ATE1: variants seen among roughly 807,000 people sequenced by gnomAD.
The protein encoded by ATE1 is arginyltransferase 1, also known as arginyl-tRNA--protein transferase 1.
In ATE1, 36 loss-of-function variants were observed where a neutral mutation model predicts 70.5. The observed-to-expected ratio is 0.51, with a 90% CI of 0.39 to 0.67. ATE1 has a LOEUF of 0.67. ATE1 is among the 30% of genes least tolerant of loss of function. ATE1 has a pLI of 0.00. For synonymous variants in ATE1, 232 were observed against 219.3 expected, an observed-to-expected ratio of 1.06 and a Z score of -0.51; for missense variants, 593 against 629.5, an observed-to-expected ratio of 0.94 and a Z score of 0.62.
chr10:121,928,082 C>G, upstream of ATE1: 1 of 1,207,966 alleles, frequency 8.3e-7, no homozygotes, highest in South Asian at 4.0e-5. Context: ...GCCCGCAGGC[C>G]CGGCCGGCCC....
intron 8 of ATE1, among the ~76,000 whole-genome samples, chr10:121,865,934 G>A (rs1374343957): frequency 6.6e-6 from 1 of 152,236 alleles, no homozygotes; most frequent in African/African-American, 2.4e-5. Context: ...AGTAGTCATT[G>A]TGGAGAAAGT....
At chr10:121,922,986 C>G (rs1459858618) in intron 2 of ATE1, among the ~76,000 whole-genome samples, 1 of 152,140 alleles carries the variant, frequency 6.6e-6, no homozygotes, top group Non-Finnish European at 1.5e-5. Context: ...ATTGTCCCCT[C>G]TTCTCTATCA....
At chr10:121,795,744 C>A (rs1564844568) in intron 10 of ATE1, among the ~76,000 whole-genome samples, 1 of 152,168 alleles carries the variant, frequency 6.6e-6, no homozygotes, top group Non-Finnish European at 1.5e-5. Context: ...CTAAACTAAG[C>A]TGGTCGAGAG....
chr10:121,798,212 C>T (rs1946735100), intron 10 of ATE1, among the ~76,000 whole-genome samples: 1 of 152,144 alleles, frequency 6.6e-6, no homozygotes, highest in African/African-American at 2.4e-5. Context: ...TTTGGGAATT[C>T]AGTGAATTAT....
intron 10 of ATE1, among the ~76,000 whole-genome samples, chr10:121,794,431 C>G (rs565985612): frequency 6.6e-6 from 1 of 151,488 alleles, no homozygotes; most frequent in East Asian, 1.9e-4. Flanking sequence ...ACAGTGAGAC[C>G]CCATCTCTAC....
intron 11 of ATE1, among the ~76,000 whole-genome samples, chr10:121,751,254 AC>A (rs1463290023): frequency 1.3e-5 from 2 of 152,250 alleles, no homozygotes; most frequent in Admixed American, 6.5e-5. Context: ...TCATTTAATA[AC>A]AGCTTTATTG....
At chr10:121,901,344 A>G (rs993151986) in intron 6 of ATE1, among the ~76,000 whole-genome samples, 2 of 152,212 alleles carry the variant, frequency 1.3e-5, no homozygotes, top group East Asian at 1.9e-4. Flanking sequence ...GTTAATTTTT[A>G]TTATCAGGAC....
intron 5 of ATE1, 32 bp downstream of exon 5, chr10:121,910,874 G>A: frequency 6.2e-7 from 1 of 1,612,576 alleles, no homozygotes; most frequent in Non-Finnish European, 8.5e-7. Flanking sequence ...GCAAAGCCGT[G>A]AATATGACTT....
At chr10:121,869,887 AAT>A (rs1248884843) in intron 8 of ATE1, 117 bp downstream of exon 8, 10 of 908,132 alleles carry the variant, frequency 1.1e-5, no homozygotes, top group Non-Finnish European at 1.5e-5. Context: ...GTTATTGAAG[AAT>A]ATATGTGTCC....
Position 121,751,915 on chromosome 10 carries a change from C to T in ATE1, c.1379-8057G>A, listed in dbSNP as rs114702100. ...TGATGAAGATTTACTCCAATGTGGCCGGGCGTGGTGGCTCCCACCTGTAAT... is the reference window on the plus strand; with the variant it reads ...TGATGAAGATTTACTCCAATGTGGCTGGGCGTGGTGGCTCCCACCTGTAAT... On this transcript the variant is annotated intron_variant, in intron 11 of 11. Transcript: ENST00000224652. 3.8e-3 allele frequency among the ~76,000 whole-genome samples: 583 copies of T among 152,094 alleles called. 9 individuals are homozygous for T. The highest frequency in any genetic ancestry group is 0.012 in the African/African-American group (512 of 41,512).
At chr10:121,895,924 C>CA (rs529211208) in intron 7 of ATE1, among the ~76,000 whole-genome samples, 20,834 of 127,168 alleles carry the variant, frequency 0.16, 1,535 homozygotes, top group East Asian at 0.21. Context: ...CTCCCCCCAC[C>CA]AAAAAAAAAA....
chr10:121,893,006 C>T (rs1021793624), intron 7 of ATE1, among the ~76,000 whole-genome samples: 14 of 152,036 alleles, frequency 9.2e-5, no homozygotes, highest in South Asian at 2.1e-4. Flanking sequence ...AGGCCGGGCA[C>T]GGTGGCTTAC....
At chr10:121,766,050 T>C (rs995108844) in intron 11 of ATE1, among the ~76,000 whole-genome samples, 1 of 152,184 alleles carries the variant, frequency 6.6e-6, no homozygotes, top group African/African-American at 2.4e-5. Context: ...AAAACTTGGT[T>C]TTCTTCTTTG....
intron 8 of ATE1, among the ~76,000 whole-genome samples, chr10:121,859,898 G>A (rs1021647270): frequency 6.6e-6 from 1 of 152,130 alleles, no homozygotes; most frequent in Non-Finnish European, 1.5e-5. Flanking sequence ...GCAAGATCGT[G>A]CCACTGCACT....
chr10:121,928,182 C>T (rs1412901558), upstream of ATE1: 5 of 1,293,462 alleles, frequency 3.9e-6, no homozygotes, highest in Non-Finnish European at 4.9e-6. Context: ...GGGCCGCCGT[C>T]GTCAGTGAGG....
chr10:121,892,499 C>CTTT (rs34400277), intron 7 of ATE1, among the ~76,000 whole-genome samples: 1 of 125,580 alleles, frequency 8.0e-6, no homozygotes, highest in Non-Finnish European at 1.7e-5. Flanking sequence ...GGTGACAAAA[C>CTTT]TTTTTTTTTT....
rs1159374203 is a variant in ATE1, at chr10:121,741,097, C to CTTGGAAAGATATAAACTGTCT, written c.*2562_*2582dup. The stretch of plus-strand genomic sequence containing the variant: ...AGATTGCAAATGCAAAGCTTCCTGC[C>CTTGGAAAGATATAAACTGTCT]TTGGAAAGATATAAACTGTCTTTGA... On this transcript the variant is annotated 3_prime_UTR_variant, in exon 12 of 12. Transcript: ENST00000224652. 3 of 152,128 alleles carry CTTGGAAAGATATAAACTGTCT rather than the reference C, an allele frequency of 2.0e-5. No homozygotes were observed. The highest frequency in any genetic ancestry group is 4.4e-5 in the Non-Finnish European group (3 of 68,038). The allele number at this position is 152,128 out of a possible 1,614,324, so 9.4% of individuals were successfully genotyped here. A position where few individuals can be genotyped will look rare whatever the true frequency, so the allele number is the denominator to read the frequency against.
At chr10:121,820,154 A>T (rs1947735402) in intron 10 of ATE1, among the ~76,000 whole-genome samples, 1 of 152,024 alleles carries the variant, frequency 6.6e-6, no homozygotes, top group Non-Finnish European at 1.5e-5. Flanking sequence ...AAAATAAACA[A>T]AAATAAATAA....
At chr10:121,841,284 A>G in intron 8 of ATE1, 21 bp from the exon 9 acceptor site, 1 of 1,397,504 alleles carries the variant, frequency 7.2e-7, no homozygotes, top group Non-Finnish European at 9.4e-7. Flanking sequence ...GCAGAGGCAC[A>G]AACAGCCATT....
Sources: allele counts gnomAD v4.1 joint callset (sites outside exome capture counted in the v4.1 genomes callset), GRCh38; gene constraint gnomAD v4.1.1; transcripts MANE v1.5; gene names NCBI Gene and HGNC (gene_info 2026-07-23, HGNC 2026-07-21).